Variants in SUGCT observed in about 807,000 individuals in gnomAD.
SUGCT encodes the protein succinyl-CoA:glutarate CoA-transferase.
In SUGCT, 41 loss-of-function variants were observed where a neutral mutation model predicts 55.0. That is an observed-to-expected ratio of 0.74 (90% CI 0.58 to 0.97). The LOEUF is 0.97. Ranked by LOEUF, SUGCT falls within the 50% of genes least tolerant of loss-of-function variation. The pLI is 0.00. For missense variants in SUGCT, 568 were observed against 547.8 expected (o/e 1.04, Z -0.37); for synonymous variants, 187 against 200.4 (o/e 0.93, Z 0.56).
At chr7:40,482,733 A>C (rs548745544) in intron 11 of SUGCT, among the ~76,000 whole-genome samples, 1 of 152,350 alleles carries the variant, frequency 6.6e-6, no homozygotes, top group Admixed American at 6.5e-5. Context: ...CATTTTATTC[A>C]GAATCTTTAC....
chr7:40,689,169 T>C (rs1228660481), intron 12 of SUGCT, among the ~76,000 whole-genome samples: 2 of 152,196 alleles, frequency 1.3e-5, no homozygotes, highest in East Asian at 3.9e-4. Context: ...CCAATTCACA[T>C]TGCCCTTCAT....
intron 9 of SUGCT, among the ~76,000 whole-genome samples, chr7:40,378,851 G>A (rs971752922): frequency 1.3e-5 from 2 of 152,142 alleles, no homozygotes; most frequent in Non-Finnish European, 2.9e-5. Context: ...TGATTGAAAC[G>A]CTTTTGTATT....
chr7:40,218,733 CA>C (rs1303972620), intron 6 of SUGCT, among the ~76,000 whole-genome samples: 2 of 151,972 alleles, frequency 1.3e-5, no homozygotes, highest in Non-Finnish European at 2.9e-5. Context: ...CACCAATCAG[CA>C]CTCTGTAAAA....
the SUGCT span, among the ~76,000 whole-genome samples, chr7:40,968,553 C>G: frequency 6.6e-6 from 1 of 152,328 alleles, no homozygotes; most frequent in Non-Finnish European, 1.5e-5. Context: ...AAACTGTGAT[C>G]AGCCACCTCC....
intron 12 of SUGCT, among the ~76,000 whole-genome samples, chr7:40,691,054 A>G (rs1223906624): frequency 6.6e-6 from 1 of 152,168 alleles, no homozygotes; most frequent in Non-Finnish European, 1.5e-5. Flanking sequence ...GGAATAGAAA[A>G]GGAAGACTCA....
Position 40,195,838 on chromosome 7 carries a change from T to C in SUGCT, c.484+778T>C, listed in dbSNP as rs966819146. 4.7e-5 allele frequency among the ~76,000 whole-genome samples: 7 copies of C among 149,324 alleles called. No homozygotes were observed. In the Admixed American group the frequency reaches 4.8e-4, roughly 10 times the overall value. ...AAAGGATTCTCCTGCCTCAGCCTCCTGAGTGTCTGGGGTTACAGGTGCCTA... is the reference window on the plus strand; with the variant it reads ...AAAGGATTCTCCTGCCTCAGCCTCCCGAGTGTCTGGGGTTACAGGTGCCTA... On this transcript the variant is annotated intron_variant, in intron 6 of 13. Transcript: ENST00000335693.
intron 12 of SUGCT, among the ~76,000 whole-genome samples, chr7:40,529,489 C>G (rs1039193969): frequency 6.6e-6 from 1 of 152,128 alleles, no homozygotes; most frequent in Non-Finnish European, 1.5e-5. Context: ...GTGTGGGTAC[C>G]GTTAATAAAC....
At chr7:40,535,534 T>C (rs888540397) in intron 12 of SUGCT, among the ~76,000 whole-genome samples, 5 of 152,206 alleles carry the variant, frequency 3.3e-5, no homozygotes, top group Non-Finnish European at 5.9e-5. Flanking sequence ...AGCAATCCTA[T>C]TAGTGAGTGT....
intron 12 of SUGCT, among the ~76,000 whole-genome samples, chr7:40,676,686 A>G (rs1471642684): frequency 6.6e-6 from 1 of 151,858 alleles, no homozygotes; most frequent in Non-Finnish European, 1.5e-5. Flanking sequence ...TATTTTTAGT[A>G]GAGACGGGGT....
At chr7:40,761,433 T>C (rs1788528371) in intron 13 of SUGCT, among the ~76,000 whole-genome samples, 2 of 152,220 alleles carry the variant, frequency 1.3e-5, no homozygotes, top group Admixed American at 6.5e-5. Flanking sequence ...GGGCCCATGA[T>C]AGAGCACAGC....
chr7:40,649,515 T>A (rs570697914), intron 12 of SUGCT, among the ~76,000 whole-genome samples: 2 of 152,296 alleles, frequency 1.3e-5, no homozygotes, highest in Admixed American at 1.3e-4. Context: ...CTAAATAAAC[T>A]CTGGGGTGGT....
the SUGCT span, among the ~76,000 whole-genome samples, chr7:40,873,390 A>G: frequency 6.6e-6 from 1 of 152,210 alleles, no homozygotes; most frequent in South Asian, 2.1e-4. Context: ...CACCTAGAAG[A>G]TACGCAATGG....
chr7:40,647,749 G>C (rs569208711), intron 12 of SUGCT, among the ~76,000 whole-genome samples: 3 of 151,922 alleles, frequency 2.0e-5, no homozygotes, highest in East Asian at 3.9e-4. Flanking sequence ...TACTCGGTAG[G>C]CTGAGGCAGG....
intron 9 of SUGCT, among the ~76,000 whole-genome samples, chr7:40,443,205 C>A (rs1788616400): frequency 6.6e-6 from 1 of 152,118 alleles, no homozygotes; most frequent in Admixed American, 6.6e-5. Context: ...GTCTTTATAG[C>A]AGTATGATTT....
chr7:40,397,172 A>G (rs575161513), intron 9 of SUGCT, among the ~76,000 whole-genome samples: 1 of 152,322 alleles, frequency 6.6e-6, no homozygotes, highest in African/African-American at 2.4e-5. Flanking sequence ...TGTGTACATT[A>G]TGCTCCAGCC....
At chr7:40,813,631 G>C (rs1791530195) in intron 13 of SUGCT, among the ~76,000 whole-genome samples, 1 of 152,074 alleles carries the variant, frequency 6.6e-6, no homozygotes, top group Non-Finnish European at 1.5e-5. Context: ...GTGTAAGATA[G>C]GTCTCTTGAT....
chr7:40,448,475 G>GT (rs1788984260), intron 9 of SUGCT, among the ~76,000 whole-genome samples: 2 of 150,828 alleles, frequency 1.3e-5, no homozygotes, highest in Non-Finnish European at 1.5e-5. Flanking sequence ...ACTCTTTTTT[G>GT]TTTTTTTGAC....
chr7:40,959,519 C>A, the SUGCT span, among the ~76,000 whole-genome samples: 3 of 152,144 alleles, frequency 2.0e-5, no homozygotes, highest in Non-Finnish European at 4.4e-5. Context: ...ACCCTCCCCC[C>A]ACCAAGCTGG....
intron 9 of SUGCT, among the ~76,000 whole-genome samples, chr7:40,371,908 T>C (rs916724004): frequency 2.0e-5 from 3 of 151,866 alleles, no homozygotes; most frequent in African/African-American, 7.2e-5. Context: ...AAACAAAAAG[T>C]ATAATTATTG....
Sources: gnomAD v4.1 joint callset for allele counts (sites outside exome capture counted in the v4.1 genomes callset) on GRCh38, gnomAD v4.1.1 for gene constraint, MANE v1.5 for transcripts, NCBI Gene and HGNC (gene_info 2026-07-23, HGNC 2026-07-21) for gene names.